STPG2: variants seen among roughly 807,000 people sequenced by gnomAD.
STPG2 encodes the protein sperm tail PG-rich repeat containing 2.
Under a neutral mutation model 54.2 loss-of-function variants are expected in STPG2, and 56 were observed. The ratio of observed to expected loss-of-function variants is 1.03; its 90% CI spans 0.83 to 1.29. The LOEUF (loss-of-function observed/expected upper bound fraction) is 1.29. STPG2 is among the 50% of genes most tolerant of loss of function. The pLI is 0.00. For synonymous variants in STPG2, 200 were observed against 181.8 expected (o/e 1.10, Z -0.81); for missense variants, 596 against 544.9 (o/e 1.09, Z -0.93).
At chr4:98,082,948 A>C (rs2110117894) in intron 5 of STPG2, among the ~76,000 whole-genome samples, 1 of 152,200 alleles carries the variant, frequency 6.6e-6, no homozygotes, top group South Asian at 2.1e-4. Flanking sequence ...CTATTGCCAT[A>C]ATCTTCTACT....
chr4:97,664,592 T>A (rs1442177494), intron 10 of STPG2, among the ~76,000 whole-genome samples: 12 of 152,246 alleles, frequency 7.9e-5, no homozygotes, highest in Admixed American at 7.8e-4. Flanking sequence ...GATTACAGGT[T>A]TGATCCATCT....
intron 9 of STPG2, among the ~76,000 whole-genome samples, chr4:97,818,114 G>A (rs1213571120): frequency 6.6e-6 from 1 of 151,674 alleles, no homozygotes; most frequent in Non-Finnish European, 1.5e-5. Context: ...TTAAAACTAT[G>A]TGAGCTTTTA....
chr4:97,490,087 A>G (rs1195221976), intron 4 of STPG2: 1 of 151,564 alleles, frequency 6.6e-6, no homozygotes, highest in Non-Finnish European at 1.5e-5. Flanking sequence ...ATAGATTTCA[A>G]TGGCAGCTAG....
At chr4:97,939,730 C>G (rs1232520044) in intron 8 of STPG2, among the ~76,000 whole-genome samples, 2 of 152,138 alleles carry the variant, frequency 1.3e-5, no homozygotes, top group African/African-American at 2.4e-5. Context: ...AAACAGCATA[C>G]AATTGGGTCT....
At chr4:97,629,641 A>T (rs1296841169) in intron 10 of STPG2, among the ~76,000 whole-genome samples, 1 of 152,064 alleles carries the variant, frequency 6.6e-6, no homozygotes, top group African/African-American at 2.4e-5. Context: ...TTCAATAATT[A>T]TTGGTTGAAT....
intron 9 of STPG2, among the ~76,000 whole-genome samples, chr4:97,725,559 G>A (rs1163978248): frequency 1.3e-5 from 2 of 151,686 alleles, no homozygotes; most frequent in African/African-American, 4.8e-5. Context: ...GCACATAACT[G>A]TTGGTATAGA....
chr4:97,489,240 T>C (rs950400821), intron 4 of STPG2, among the ~76,000 whole-genome samples: 8 of 151,758 alleles, frequency 5.3e-5, no homozygotes, highest in Non-Finnish European at 1.2e-4. Context: ...AGACCTCTTT[T>C]ATAAATTGCC....
chr4:97,733,365 A>G (rs537204567), intron 9 of STPG2, among the ~76,000 whole-genome samples: 1 of 152,194 alleles, frequency 6.6e-6, no homozygotes, highest in African/African-American at 2.4e-5. Flanking sequence ...ATATATTCTC[A>G]CTTACAAGTA....
chr4:97,896,412 C>G (rs565137194), intron 8 of STPG2, among the ~76,000 whole-genome samples: 1 of 151,726 alleles, frequency 6.6e-6, no homozygotes, highest in Admixed American at 6.6e-5. Flanking sequence ...AAGAGAAAAA[C>G]CCCAAGTAAA....
intron 4 of STPG2, among the ~76,000 whole-genome samples, chr4:97,510,809 T>C (rs1730955841): frequency 6.6e-6 from 1 of 152,098 alleles, no homozygotes; most frequent in African/African-American, 2.4e-5. Context: ...TATAGCAATA[T>C]ATAATTAAAG....
At chr4:97,924,671 C>T (rs1578696670) in intron 8 of STPG2, among the ~76,000 whole-genome samples, 2 of 152,102 alleles carry the variant, frequency 1.3e-5, no homozygotes, top group East Asian at 1.9e-4. Flanking sequence ...GATGATTAGA[C>T]ATTTGAAGTC....
intron 10 of STPG2, among the ~76,000 whole-genome samples, chr4:97,649,455 T>C (rs1261818735): frequency 6.6e-6 from 1 of 152,180 alleles, no homozygotes; most frequent in African/African-American, 2.4e-5. Flanking sequence ...GTCTTGAAGA[T>C]TTTTTAACTT....
In STPG2 at chr4:98,014,876, T is replaced by A. The variant is rs1354811525; in HGVS notation, c.613-33558A>T. ...ATTTCTGAAAGACAGCTTTGGAAGG[T>A]ATAATATTCTTCGTTGACATTTTTT... On this transcript the variant is annotated intron_variant, in intron 5 of 10. Transcript: ENST00000295268. Among the ~76,000 whole-genome samples, 3 of 152,170 alleles carry A rather than the reference T, an allele frequency of 2.0e-5. No homozygotes were observed. In the East Asian group the frequency reaches 5.8e-4, roughly 29 times the overall value.
At chr4:97,638,681 G>A (rs774738525) in intron 10 of STPG2, among the ~76,000 whole-genome samples, 12,079 of 137,846 alleles carry the variant, frequency 0.088, 1,599 homozygotes, top group African/African-American at 0.34. Context: ...AAAAGTGGGC[G>A]AAGGACATGA....
At chr4:97,897,880 C>T (rs936454074) in intron 8 of STPG2, among the ~76,000 whole-genome samples, 1 of 151,978 alleles carries the variant, frequency 6.6e-6, no homozygotes. Flanking sequence ...TTGATAGCCT[C>T]CTTTGCCATG....
At chr4:97,946,145 T>G (rs1226326381) in intron 7 of STPG2, among the ~76,000 whole-genome samples, 1 of 152,174 alleles carries the variant, frequency 6.6e-6, no homozygotes, top group Non-Finnish European at 1.5e-5. Context: ...CCCTGATGAC[T>G]AGTGATGTTG....
At chr4:97,874,842 A>T (rs889920842) in intron 8 of STPG2, among the ~76,000 whole-genome samples, 1 of 151,528 alleles carries the variant, frequency 6.6e-6, no homozygotes, top group African/African-American at 2.4e-5. Context: ...GTGATCATTT[A>T]AAAAAAAGAG....
intron 8 of STPG2, among the ~76,000 whole-genome samples, chr4:97,903,951 G>C (rs576668188): frequency 6.6e-6 from 1 of 152,178 alleles, no homozygotes; most frequent in Non-Finnish European, 1.5e-5. Context: ...AGAGTCCTAC[G>C]CCCACAGAGT....
chr4:97,865,986 A>C (rs1014194550), intron 8 of STPG2, among the ~76,000 whole-genome samples: 3 of 152,022 alleles, frequency 2.0e-5, no homozygotes, highest in African/African-American at 7.2e-5. Flanking sequence ...GATAGAAGCC[A>C]GGCACAGAAA....
Sources: allele counts gnomAD v4.1 joint callset (sites outside exome capture counted in the v4.1 genomes callset), GRCh38; gene constraint gnomAD v4.1.1; transcripts MANE v1.5; gene names NCBI Gene and HGNC (gene_info 2026-07-23, HGNC 2026-07-21).